Variants in SUPT3H observed in about 807,000 individuals in gnomAD.
SUPT3H encodes the protein SPT3 homolog, SAGA and STAGA complex component.
Under a neutral mutation model 44.3 loss-of-function variants are expected in SUPT3H, and 44 were observed. The observed-to-expected ratio is 0.99, with a 90% CI of 0.78 to 1.28. The LOEUF is 1.28. Ranked by LOEUF, SUPT3H falls within the 50% of genes most tolerant of loss-of-function variation. SUPT3H has a pLI of 0.00. For synonymous variants in SUPT3H, 124 were observed against 125.6 expected (o/e 0.99, Z 0.09); for missense variants, 380 against 387.1 (o/e 0.98, Z 0.15).
intron 6 of SUPT3H, among the ~76,000 whole-genome samples, chr6:44,965,925 G>C (rs1267844609): frequency 6.6e-6 from 1 of 152,174 alleles, no homozygotes; most frequent in East Asian, 1.9e-4. Context: ...TGAATCAAGG[G>C]ACAGATGAAT....
chr6:44,992,653 C>A (rs1487434909), intron 6 of SUPT3H, among the ~76,000 whole-genome samples: 1 of 152,022 alleles, frequency 6.6e-6, no homozygotes, highest in African/African-American at 2.4e-5. Context: ...TGCTCCCCTG[C>A]AGACTAAAGA....
chr6:45,220,138 A>G (rs1026335060), intron 2 of SUPT3H, among the ~76,000 whole-genome samples: 6 of 151,910 alleles, frequency 3.9e-5, no homozygotes, highest in African/African-American at 1.4e-4. Context: ...AGGCAAATAT[A>G]AACTGAAACT....
intron 2 of SUPT3H, among the ~76,000 whole-genome samples, chr6:45,139,932 C>T (rs1804900626): frequency 6.6e-6 from 1 of 152,172 alleles, no homozygotes; most frequent in African/African-American, 2.4e-5. Flanking sequence ...GCTACAGACA[C>T]AAGCACAGGA....
intron 2 of SUPT3H, chr6:45,328,629 A>C: frequency 6.2e-7 from 1 of 1,609,942 alleles, no homozygotes; most frequent in Non-Finnish European, 8.5e-7. Context: ...TGTAAAACTA[A>C]AACAAGGTTT....
intron 2 of SUPT3H, among the ~76,000 whole-genome samples, chr6:45,238,371 T>G (rs1171431101): frequency 6.6e-6 from 1 of 152,198 alleles, no homozygotes; most frequent in Non-Finnish European, 1.5e-5. Flanking sequence ...TTTAAAACAC[T>G]GAATGACTTT....
At chr6:45,295,543 A>G (rs925238438) in intron 2 of SUPT3H, among the ~76,000 whole-genome samples, 1 of 149,230 alleles carries the variant, frequency 6.7e-6, no homozygotes, top group Non-Finnish European at 1.5e-5. Flanking sequence ...AAAAAAAAAA[A>G]AAAAAAAAAA....
chr6:45,316,222 G>C (rs1282153433), intron 2 of SUPT3H, among the ~76,000 whole-genome samples: 1 of 152,124 alleles, frequency 6.6e-6, no homozygotes, highest in Non-Finnish European at 1.5e-5. Context: ...ATATGGTGCA[G>C]TGTATACTGC....
At chr6:45,238,354 G>C (rs764796500) in intron 2 of SUPT3H, among the ~76,000 whole-genome samples, 11 of 152,026 alleles carry the variant, frequency 7.2e-5, no homozygotes, top group Non-Finnish European at 1.3e-4. Flanking sequence ...CCATATGTAG[G>C]GATCAATTTA....
intron 2 of SUPT3H, among the ~76,000 whole-genome samples, chr6:45,146,716 T>A (rs982480742): frequency 6.6e-6 from 1 of 152,100 alleles, no homozygotes; most frequent in Non-Finnish European, 1.5e-5. Flanking sequence ...TTATAAAGCA[T>A]CAAAATTGGG....
intron 10 of SUPT3H, among the ~76,000 whole-genome samples, chr6:44,830,156 C>T (rs1291316026): frequency 1.3e-5 from 2 of 152,174 alleles, no homozygotes; most frequent in Non-Finnish European, 2.9e-5. Context: ...TGTATTGAAT[C>T]TGTTTGTCTT....
chr6:45,038,617 G>A (rs1326291637), intron 3 of SUPT3H, among the ~76,000 whole-genome samples: 1 of 152,064 alleles, frequency 6.6e-6, no homozygotes, highest in African/African-American at 2.4e-5. Context: ...ATGTAAACAG[G>A]AAAGACTCCT....
chr6:45,024,685 T>C (rs962303761), intron 3 of SUPT3H, among the ~76,000 whole-genome samples: 8 of 152,176 alleles, frequency 5.3e-5, no homozygotes, highest in Admixed American at 1.3e-4. Context: ...GCGGGGTACA[T>C]AGACATTTGG....
chr6:45,299,730 C>T (rs1014083889), intron 2 of SUPT3H, among the ~76,000 whole-genome samples: 5 of 146,572 alleles, frequency 3.4e-5, no homozygotes, highest in African/African-American at 1.3e-4. Context: ...GCCTGGGCAA[C>T]ACAGTGAGAC....
intron 3 of SUPT3H, among the ~76,000 whole-genome samples, chr6:45,083,182 T>C (rs1053048395): frequency 2.7e-5 from 4 of 148,816 alleles, no homozygotes; most frequent in African/African-American, 9.8e-5. Flanking sequence ...TTATTATTAT[T>C]ATTATTATTA....
At chr6:44,892,415 C>G (rs146564810) in intron 10 of SUPT3H, among the ~76,000 whole-genome samples, 1 of 152,268 alleles carries the variant, frequency 6.6e-6, no homozygotes, top group African/African-American at 2.4e-5. Context: ...GTACCAGGAA[C>G]TGAGTCACCC....
intron 2 of SUPT3H, among the ~76,000 whole-genome samples, chr6:45,286,281 A>G (rs1219108725): frequency 1.3e-5 from 2 of 152,190 alleles, no homozygotes; most frequent in African/African-American, 2.4e-5. Flanking sequence ...CTGCACAACA[A>G]AAGAATCTAC....
intron 2 of SUPT3H, among the ~76,000 whole-genome samples, chr6:45,209,834 G>T (rs1763797340): frequency 6.6e-6 from 1 of 152,132 alleles, no homozygotes; most frequent in South Asian, 2.1e-4. Flanking sequence ...AAGCCAACTG[G>T]TGCAGCAAAG....
At chr6:45,089,278 T>C (rs1796849021) in intron 3 of SUPT3H, among the ~76,000 whole-genome samples, 1 of 152,068 alleles carries the variant, frequency 6.6e-6, no homozygotes, top group Admixed American at 6.6e-5. Flanking sequence ...TCTAATAAAA[T>C]TAAATTTCAA....
intron 1 of SUPT3H, among the ~76,000 whole-genome samples, chr6:45,366,620 C>A (rs1396277567): frequency 6.6e-6 from 1 of 152,066 alleles, no homozygotes; most frequent in East Asian, 1.9e-4. Flanking sequence ...CACAATCAGG[C>A]AAGTTTTTAA....
Sources: gnomAD v4.1 joint callset for allele counts (sites outside exome capture counted in the v4.1 genomes callset) on GRCh38, gnomAD v4.1.1 for gene constraint, MANE v1.5 for transcripts, NCBI Gene and HGNC (gene_info 2026-07-23, HGNC 2026-07-21) for gene names.